NFIA: variants seen among roughly 807,000 people sequenced by gnomAD.
The protein encoded by NFIA is nuclear factor I A.
NFIA carries 8 observed loss-of-function variants against 62.8 expected under a neutral mutation model. The observed-to-expected ratio is 0.13, with a 90% CI of 0.07 to 0.23. The LOEUF (loss-of-function observed/expected upper bound fraction) is 0.23, where lower values mean the gene tolerates loss of function less well. NFIA is among the 10% of genes least tolerant of loss of function. The probability of loss-of-function intolerance (pLI) is 1.00; values close to 1 mark genes in which losing one functional copy is unlikely to be tolerated. For synonymous variants in NFIA, 235 were observed against 238.1 expected (o/e 0.99, Z 0.12); for missense variants, 410 against 642.1 (o/e 0.64, Z 3.91).
At chr1:61,449,989 G>A (rs952444281) in intron 10 of NFIA, among the ~76,000 whole-genome samples, 3 of 152,150 alleles carry the variant, frequency 2.0e-5, no homozygotes, top group Non-Finnish European at 4.4e-5. Flanking sequence ...GCTGGTCAGT[G>A]GAAAAAGTGA....
At chr1:61,257,118 T>C (rs1403623609) in intron 2 of NFIA, among the ~76,000 whole-genome samples, 1 of 152,026 alleles carries the variant, frequency 6.6e-6, no homozygotes, top group Non-Finnish European at 1.5e-5. Flanking sequence ...GTTCCTCTAT[T>C]CAGCCAGAGG....
At chr1:61,078,247 G>T (rs888968049), upstream of NFIA, among the ~76,000 whole-genome samples, 8 of 151,148 alleles carry the variant, frequency 5.3e-5, no homozygotes, top group African/African-American at 1.7e-4. Flanking sequence ...CAATAGGAAA[G>T]AATTTTCGCG....
intron 9 of NFIA, among the ~76,000 whole-genome samples, chr1:61,410,502 T>C (rs892603824): frequency 1.2e-4 from 18 of 152,160 alleles, no homozygotes; most frequent in African/African-American, 3.9e-4. Flanking sequence ...TCCCAACAGT[T>C]TGATGTCTGA....
intron 1 of NFIA, among the ~76,000 whole-genome samples, chr1:61,085,840 AGTT>A (rs984941974): frequency 2.6e-5 from 4 of 152,150 alleles, no homozygotes; most frequent in African/African-American, 7.2e-5. Context: ...TAATTGACAT[AGTT>A]GTTCTTGTTT....
At chr1:61,235,018 T>TTA (rs1654906769) in intron 2 of NFIA, among the ~76,000 whole-genome samples, 2 of 152,206 alleles carry the variant, frequency 1.3e-5, no homozygotes, top group African/African-American at 4.8e-5. Context: ...AGTCAAGCCT[T>TTA]TATACCCCTT....
intron 5 of NFIA, 40 bp downstream of exon 5, chr1:61,352,607 G>A: frequency 7.0e-7 from 1 of 1,436,624 alleles, no homozygotes; most frequent in Non-Finnish European, 9.8e-7. Context: ...TATGCTACAT[G>A]GTTGCACACC....
chr1:61,125,323 T>G (rs1472576347), intron 2 of NFIA: 2 of 152,246 alleles, frequency 1.3e-5, no homozygotes, highest in Non-Finnish European at 2.9e-5. Context: ...AAAGTCAGAA[T>G]AGCCCTTTGC....
chr1:61,175,149 TA>T (rs1345572348), intron 2 of NFIA, among the ~76,000 whole-genome samples: 47 of 151,868 alleles, frequency 3.1e-4, no homozygotes, highest in East Asian at 5.8e-4. Context: ...TTATTATTAT[TA>T]TTATTTTTTG....
At chr1:61,207,572 G>A (rs1226018784) in intron 2 of NFIA, among the ~76,000 whole-genome samples, 1 of 152,300 alleles carries the variant, frequency 6.6e-6, no homozygotes, top group Non-Finnish European at 1.5e-5. Flanking sequence ...TCCAGAGTGT[G>A]TGAGCAGTGC....
intron 2 of NFIA, among the ~76,000 whole-genome samples, chr1:61,203,387 C>T (rs1183176392): frequency 6.6e-5 from 10 of 152,144 alleles, no homozygotes; most frequent in East Asian, 3.9e-4. Context: ...ACGAGTTCCA[C>T]GGGATGGCTC....
chr1:61,144,422 A>T (rs927500338), intron 2 of NFIA, among the ~76,000 whole-genome samples: 1 of 152,202 alleles, frequency 6.6e-6, no homozygotes, highest in Non-Finnish European at 1.5e-5. Flanking sequence ...GTGTGTGTAC[A>T]TGTGAGTGTT....
chr1:61,409,718 C>T (rs1214015508), intron 9 of NFIA, among the ~76,000 whole-genome samples: 1 of 152,206 alleles, frequency 6.6e-6, no homozygotes, highest in East Asian at 1.9e-4. Flanking sequence ...CACAGCAGCC[C>T]TTCCTACATA....
At chr1:61,114,225 A>G (rs1646757930) in intron 2 of NFIA, among the ~76,000 whole-genome samples, 1 of 152,214 alleles carries the variant, frequency 6.6e-6, no homozygotes, top group South Asian at 2.1e-4. Flanking sequence ...TTTCTTTGTT[A>G]TCTTAAAATA....
At chr1:61,331,102 G>A (rs1431227375) in intron 3 of NFIA, among the ~76,000 whole-genome samples, 4 of 152,158 alleles carry the variant, frequency 2.6e-5, no homozygotes, top group Non-Finnish European at 5.9e-5. Context: ...GTGGTTTTGA[G>A]AGGTGAAATT....
upstream of NFIA, chr1:61,082,444 GCGCGGGCAGCT>G (rs888638798): frequency 3.8e-4 from 393 of 1,034,306 alleles, no homozygotes; most frequent in Non-Finnish European, 4.4e-4. Flanking sequence ...GGAGGCGGGC[GCGCGGGCAGCT>G]CGCGGGCACC....
intron 2 of NFIA, among the ~76,000 whole-genome samples, chr1:61,098,330 A>G (rs375564379): frequency 1.3e-5 from 2 of 152,250 alleles, no homozygotes; most frequent in African/African-American, 4.8e-5. Context: ...AAGATTCTAG[A>G]TAAGAACTTG....
intron 7 of NFIA, 158 bp from the exon 8 acceptor site, chr1:61,403,946 G>A: frequency 2.6e-6 from 2 of 769,652 alleles, no homozygotes; most frequent in African/African-American, 3.5e-5. Flanking sequence ...GAGCCTTAAG[G>A]AAGAAAATCT....
intron 10 of NFIA, among the ~76,000 whole-genome samples, chr1:61,428,665 C>T (rs1389577034): frequency 1.3e-5 from 2 of 151,786 alleles, no homozygotes; most frequent in African/African-American, 2.4e-5. Context: ...GTTAGATATA[C>T]GTAGATATAG....
intron 3 of NFIA, among the ~76,000 whole-genome samples, chr1:61,281,927 A>G (rs1658160119): frequency 6.6e-6 from 1 of 152,138 alleles, no homozygotes; most frequent in Non-Finnish European, 1.5e-5. Flanking sequence ...TATTGTCATT[A>G]CTCCCAAATA....
Sources: gnomAD v4.1 joint callset for allele counts (sites outside exome capture counted in the v4.1 genomes callset) on GRCh38, gnomAD v4.1.1 for gene constraint, MANE v1.5 for transcripts, NCBI Gene and HGNC (gene_info 2026-07-23, HGNC 2026-07-21) for gene names.